Variants in ASIC2 observed in about 807,000 individuals in gnomAD.
ASIC2 encodes acid sensing ion channel subunit 2.
A neutral mutation model predicts 57.3 loss-of-function variants in ASIC2; 25 were observed. That is an observed-to-expected ratio of 0.44 (90% CI 0.32 to 0.61). ASIC2 has a LOEUF of 0.61. Among genes scored for constraint, ASIC2 ranks in the 20% least tolerant of loss-of-function variants. The probability of loss-of-function intolerance (pLI) is 0.06; values close to 1 mark genes in which losing one functional copy is unlikely to be tolerated. For synonymous variants in ASIC2, 319 were observed against 307.5 expected, an observed-to-expected ratio of 1.04 and a Z score of -0.39; for missense variants, 641 against 738.1, an observed-to-expected ratio of 0.87 and a Z score of 1.52.
At chr17:33,712,269 TG>T (rs1909058846) in intron 1 of ASIC2, among the ~76,000 whole-genome samples, 2 of 152,222 alleles carry the variant, frequency 1.3e-5, no homozygotes, top group African/African-American at 4.8e-5. Flanking sequence ...GCTTGATGTT[TG>T]CAAGACGCTG....
At chr17:33,199,571 G>A (rs573499550) in intron 1 of ASIC2, among the ~76,000 whole-genome samples, 46 of 152,322 alleles carry the variant, frequency 3.0e-4, no homozygotes, top group Middle Eastern at 3.4e-3. Context: ...AGTTAAAGAA[G>A]TGATTACATA....
At chr17:33,363,172 A>G (rs1268998385) in intron 1 of ASIC2, among the ~76,000 whole-genome samples, 1 of 152,186 alleles carries the variant, frequency 6.6e-6, no homozygotes, top group Non-Finnish European at 1.5e-5. Flanking sequence ...GTAAACTTTT[A>G]CATTTCAAAA....
chr17:33,311,561 T>C (rs6505334), intron 1 of ASIC2, among the ~76,000 whole-genome samples: 28,931 of 152,002 alleles, frequency 0.19, 2,864 homozygotes, highest in East Asian at 0.37. Context: ...CTGCTAATTC[T>C]TCATGTACCT....
At chr17:33,689,505 C>G (rs1008938892) in intron 1 of ASIC2, among the ~76,000 whole-genome samples, 4 of 152,318 alleles carry the variant, frequency 2.6e-5, no homozygotes, top group South Asian at 2.1e-4. Context: ...CCTCTTTCCT[C>G]TATCCTTCAG....
rs1395393959 is a variant in ASIC2, at chr17:34,056,174, C to T, written c.555+99804G>A. On this transcript the variant is annotated intron_variant, in intron 1 of 9. Coordinates refer to the ASIC2 transcript ENST00000359872. Reference sequence around the variant, plus strand: ...GGGTGCCTATTAGGATCTTTTACTGCAATTAAGAAAGTGGAGGAAGAACAA... The same window carrying T: ...GGGTGCCTATTAGGATCTTTTACTGTAATTAAGAAAGTGGAGGAAGAACAA... 3.9e-5 allele frequency among the ~76,000 whole-genome samples: 6 copies of T among 152,232 alleles called. No homozygotes were observed. In the South Asian group the frequency reaches 6.2e-4, roughly 16 times the overall value.
intron 1 of ASIC2, among the ~76,000 whole-genome samples, chr17:33,744,558 A>G (rs1264626511): frequency 1.3e-5 from 2 of 152,242 alleles, no homozygotes; most frequent in Non-Finnish European, 2.9e-5. Flanking sequence ...ATAAAACAAG[A>G]AACACAAGAG....
At chr17:33,813,394 C>T (rs1407231385) in intron 1 of ASIC2, among the ~76,000 whole-genome samples, 1 of 152,182 alleles carries the variant, frequency 6.6e-6, no homozygotes, top group Non-Finnish European at 1.5e-5. Flanking sequence ...AACAAACAAA[C>T]CCAGCCCCAG....
chr17:33,161,722 G>C (rs145477525), intron 1 of ASIC2, among the ~76,000 whole-genome samples: 2 of 152,150 alleles, frequency 1.3e-5, no homozygotes, highest in South Asian at 4.1e-4. Flanking sequence ...CTGATGGCTG[G>C]GGTCTTTCCC....
chr17:33,787,497 C>T (rs1911641469), intron 1 of ASIC2, among the ~76,000 whole-genome samples: 1 of 152,290 alleles, frequency 6.6e-6, no homozygotes, highest in African/African-American at 2.4e-5. Context: ...ATCCAATACA[C>T]TTATTGGGTC....
chr17:33,199,110 G>A (rs969938732), intron 1 of ASIC2, among the ~76,000 whole-genome samples: 2 of 152,180 alleles, frequency 1.3e-5, no homozygotes, highest in African/African-American at 4.8e-5. Context: ...TGCAGAGCAG[G>A]GAGCAGGTGA....
intron 1 of ASIC2, among the ~76,000 whole-genome samples, chr17:33,281,223 C>G (rs1904932729): frequency 6.6e-6 from 1 of 152,172 alleles, no homozygotes. Flanking sequence ...GGGCTCTGAC[C>G]TACCCAGAGA....
chr17:33,962,680 T>C (rs1227651999), intron 1 of ASIC2, among the ~76,000 whole-genome samples: 4 of 152,152 alleles, frequency 2.6e-5, no homozygotes, highest in Non-Finnish European at 5.9e-5. Flanking sequence ...GCTCTTTAAG[T>C]ATGTGAGAGA....
intron 3 of ASIC2, among the ~76,000 whole-genome samples, chr17:33,029,646 G>C (rs1294960688): frequency 6.6e-6 from 1 of 152,314 alleles, no homozygotes; most frequent in Admixed American, 6.5e-5. Context: ...TGAGTAAATG[G>C]CTAGCAGTGG....
chr17:33,272,510 T>C (rs576317861), intron 1 of ASIC2, among the ~76,000 whole-genome samples: 3 of 152,306 alleles, frequency 2.0e-5, no homozygotes, highest in Admixed American at 6.5e-5. Flanking sequence ...TTTTTGTACA[T>C]AGAGATATAC....
At chr17:33,413,283 A>G (rs1378123679) in intron 1 of ASIC2, among the ~76,000 whole-genome samples, 1 of 152,206 alleles carries the variant, frequency 6.6e-6, no homozygotes, top group Non-Finnish European at 1.5e-5. Context: ...GCCCATTGAC[A>G]TTTCTATTAT....
chr17:34,008,199 T>C (rs2142019339), intron 1 of ASIC2, among the ~76,000 whole-genome samples: 1 of 152,364 alleles, frequency 6.6e-6, no homozygotes, highest in East Asian at 1.9e-4. Flanking sequence ...TTCCAGACAC[T>C]GTGCTAAGCA....
chr17:33,634,883 G>A (rs1404376903), intron 1 of ASIC2: 1 of 152,064 alleles, frequency 6.6e-6, no homozygotes, highest in Non-Finnish European at 1.5e-5. Context: ...TGTGCGATTG[G>A]AGCTTTGGTT....
rs1193817532 is a variant in ASIC2, at chr17:33,740,929, G to A, written c.555+415049C>T. ...TCAACAGGGTTATAGTAAGGGGCAA[G>A]GAAATTCACATTCTGCTGTTTGAAT... On this transcript the variant is annotated intron_variant, in intron 1 of 9. Coordinates refer to the ASIC2 transcript ENST00000359872. Among the ~76,000 whole-genome samples the A allele has an allele frequency of 2.6e-5, 4 of 152,162 alleles. 1 individual carries two copies. The highest frequency in any genetic ancestry group is 6.5e-5 in the Admixed American group (1 of 15,274).
intron 1 of ASIC2, among the ~76,000 whole-genome samples, chr17:33,441,899 T>C (rs1911836817): frequency 6.6e-6 from 1 of 152,232 alleles, no homozygotes; most frequent in Non-Finnish European, 1.5e-5. Context: ...AAATTTGTTA[T>C]GCTTTTTAAA....
Sources: allele counts gnomAD v4.1 joint callset (sites outside exome capture counted in the v4.1 genomes callset), GRCh38; gene constraint gnomAD v4.1.1; transcripts MANE v1.5; gene names NCBI Gene and HGNC (gene_info 2026-07-23, HGNC 2026-07-21).